SCGN: variants seen among roughly 807,000 people sequenced by gnomAD.
SCGN encodes the protein secretagogin, EF-hand calcium binding protein.
A neutral mutation model predicts 39.7 loss-of-function variants in SCGN; 30 were observed. That is an observed-to-expected ratio of 0.76 (90% CI 0.57 to 1.03). SCGN has a LOEUF of 1.03. Among genes scored for constraint, SCGN ranks in the 50% least tolerant of loss-of-function variants. The pLI is 0.00. For missense variants in SCGN, 353 were observed against 349.4 expected (o/e 1.01, Z -0.08); for synonymous variants, 106 against 114.1 (o/e 0.93, Z 0.45).
chr6:25,693,773 G>C (rs1759804131), intron 10 of SCGN, among the ~76,000 whole-genome samples: 1 of 152,122 alleles, frequency 6.6e-6, no homozygotes, highest in African/African-American at 2.4e-5. Flanking sequence ...GAAAATAAAG[G>C]CAAGTAAAAG....
chr6:25,697,507 T>C (rs1759853917), intron 10 of SCGN, among the ~76,000 whole-genome samples: 1 of 152,162 alleles, frequency 6.6e-6, no homozygotes, highest in Non-Finnish European at 1.5e-5. Flanking sequence ...AGGATAGAGA[T>C]TTGTGAAGTG....
chr6:25,653,208 T>G (rs10456325), intron 1 of SCGN, among the ~76,000 whole-genome samples, 174 bp from the exon 2 acceptor site: 19,324 of 152,240 alleles, frequency 0.13, 1,314 homozygotes, highest in Middle Eastern at 0.16. Context: ...GAACAGTGTT[T>G]ACTGTTCAAA....
chr6:25,693,820 A>G (rs1759804743), intron 10 of SCGN, among the ~76,000 whole-genome samples: 1 of 152,190 alleles, frequency 6.6e-6, no homozygotes, highest in Admixed American at 6.5e-5. Flanking sequence ...AAGAATTCGG[A>G]TTCTAGGCTG....
chr6:25,674,171 G>A lies in SCGN; in HGVS notation c.471+4095G>A, dbSNP rs1235545189. Reference sequence around the variant, plus strand: ...TTACATTTCAACATGAGATTTAGAGGAGACAACATCCAAGCTATATCAGCT... The same window carrying A: ...TTACATTTCAACATGAGATTTAGAGAAGACAACATCCAAGCTATATCAGCT... On this transcript the variant is annotated intron_variant, in intron 6 of 10. Transcript: ENST00000377961. 2.6e-5 allele frequency among the ~76,000 whole-genome samples: 4 copies of A among 152,138 alleles called. No individual in the cohort carries two copies. The East Asian group carries it at 7.7e-4, about 29-fold the overall frequency.
chr6:25,669,589 G>T, intron 5 of SCGN, 22 bp downstream of exon 5: 1 of 1,605,908 alleles, frequency 6.2e-7, no homozygotes, highest in Non-Finnish European at 8.5e-7. Flanking sequence ...TGGGTGAAGG[G>T]TGGGTTTGTT....
At chr6:25,653,016 G>A (rs187541391) in intron 1 of SCGN, among the ~76,000 whole-genome samples, 14 of 152,302 alleles carry the variant, frequency 9.2e-5, no homozygotes, top group Admixed American at 7.8e-4. Context: ...TCTAAAAGGT[G>A]TGTTTTAACT....
At chr6:25,692,784 G>A (rs1222645772) in intron 10 of SCGN, among the ~76,000 whole-genome samples, 4 of 152,136 alleles carry the variant, frequency 2.6e-5, no homozygotes, top group Non-Finnish European at 5.9e-5. Context: ...GTTTCCAGAG[G>A]GGCTGCCTTG....
intron 7 of SCGN, among the ~76,000 whole-genome samples, chr6:25,682,503 T>G (rs1759650020): frequency 6.6e-6 from 1 of 152,164 alleles, no homozygotes; most frequent in South Asian, 2.1e-4. Flanking sequence ...TCAGTGTCCA[T>G]GAAAATGTTG....
At chr6:25,669,277 G>A (rs1249366951) in intron 4 of SCGN, among the ~76,000 whole-genome samples, 1 of 152,104 alleles carries the variant, frequency 6.6e-6, no homozygotes, top group East Asian at 1.9e-4. Context: ...CACTCAATGG[G>A]CTTTCACTGA....
At chr6:25,663,458 C>T (rs1760374802) in intron 3 of SCGN, among the ~76,000 whole-genome samples, 1 of 152,154 alleles carries the variant, frequency 6.6e-6, no homozygotes, top group African/African-American at 2.4e-5. Flanking sequence ...TGGCAGTTAT[C>T]ATTTGTTGAC....
intron 4 of SCGN, among the ~76,000 whole-genome samples, chr6:25,668,934 A>G (rs1244033917): frequency 3.9e-5 from 6 of 151,910 alleles, no homozygotes; most frequent in Non-Finnish European, 5.9e-5. Flanking sequence ...ACACGGTGAA[A>G]CCCCATCTCT....
chr6:25,700,531 C>A (rs1400365927), intron 10 of SCGN, among the ~76,000 whole-genome samples: 1 of 152,158 alleles, frequency 6.6e-6, no homozygotes, highest in South Asian at 2.1e-4. Flanking sequence ...GCTTTCTCTG[C>A]ACCTCTGTTT....
intron 4 of SCGN, among the ~76,000 whole-genome samples, chr6:25,669,057 G>A (rs1759450815): frequency 6.6e-6 from 1 of 150,472 alleles, no homozygotes; most frequent in Non-Finnish European, 1.5e-5. Context: ...CTTGCAGTGA[G>A]CCGAGATCGC....
chr6:25,672,190 A>G (rs895296799), intron 6 of SCGN, among the ~76,000 whole-genome samples: 6 of 152,218 alleles, frequency 3.9e-5, no homozygotes, highest in Non-Finnish European at 7.3e-5. Flanking sequence ...TGCCTAGTGC[A>G]TATCATTATC....
chr6:25,664,970 G>A lies in SCGN; in HGVS notation c.274G>A (p.Glu92Lys). The A allele has an allele frequency of 6.2e-7, 1 of 1,613,986 alleles. No individual in the cohort carries two copies. The highest frequency in any genetic ancestry group is 8.5e-7 in the Non-Finnish European group (1 of 1,179,906). Reference sequence around the variant, plus strand: ...TGCTGGTATGTTCTTATCTGAGGATGAAAACTTTCTTCTGCTCTTTCGCCG... The same window carrying A: ...TGCTGGTATGTTCTTATCTGAGGATAAAAACTTTCTTCTGCTCTTTCGCCG... Reference protein sequence around the residue: ...ELAGMFLSEDENFLLLFRREN... With the variant: ...ELAGMFLSEDKNFLLLFRREN... The change falls in exon 4 of 11, where the codon GAA (glutamate) becomes AAA (lysine). Residue 92 changes from glutamate (E) to lysine (K), a missense_variant. By Grantham distance (56) the Glu-to-Lys change is moderately conservative (BLOSUM62 1). Transcript: ENST00000377961.
At chr6:25,671,260 A>G (rs750548138) in intron 6 of SCGN, among the ~76,000 whole-genome samples, 5 of 152,222 alleles carry the variant, frequency 3.3e-5, no homozygotes, top group Non-Finnish European at 7.3e-5. Context: ...GTAAGTGACT[A>G]AGTCACCACC....
intron 2 of SCGN, among the ~76,000 whole-genome samples, chr6:25,661,140 A>T (rs2072850): frequency 6.6e-6 from 1 of 152,060 alleles, no homozygotes; most frequent in Non-Finnish European, 1.5e-5. Flanking sequence ...AGTTACAGAC[A>T]CCTGGGGGCC....
In SCGN at chr6:25,664,992, G is replaced by A. The variant is rs372299715; in HGVS notation, c.296G>A (p.Arg99His). 14 of 1,613,848 alleles carry A rather than the reference G, an allele frequency of 8.7e-6. No homozygotes were observed. The highest frequency in any genetic ancestry group is 5.0e-5 in the Admixed American group (3 of 60,002). ...SEDENFLLLF[R>H]RENPLDSSVE... is the part of the protein sequence containing the mutation. Reference sequence around the variant, plus strand: ...GATGAAAACTTTCTTCTGCTCTTTCGCCGGGAAAACCCACTGGACAGCAGC... The same window carrying A: ...GATGAAAACTTTCTTCTGCTCTTTCACCGGGAAAACCCACTGGACAGCAGC... The change falls in exon 4 of 11, where the codon CGC becomes CAC. Residue 99 changes from arginine to histidine, a missense_variant. By Grantham distance (29) the Arg-to-His change is conservative. Coordinates refer to ENST00000377961, the MANE Select transcript of SCGN (RefSeq NM_006998.4).
At chr6:25,669,626 A>T in intron 5 of SCGN, 59 bp downstream of exon 5, 1 of 1,422,584 alleles carries the variant, frequency 7.0e-7, no homozygotes, top group African/African-American at 1.4e-5. Flanking sequence ...ATATGTGTGT[A>T]TCATGAGTTT....
Sources: allele counts gnomAD v4.1 joint callset (sites outside exome capture counted in the v4.1 genomes callset), GRCh38; gene constraint gnomAD v4.1.1; transcripts MANE v1.5; gene names NCBI Gene and HGNC (gene_info 2026-07-23, HGNC 2026-07-21).